Variants in SDK1 observed in about 807,000 individuals in gnomAD.
SDK1 encodes protein sidekick-1.
Under a neutral mutation model 245.5 loss-of-function variants are expected in SDK1, and 157 were observed. The ratio of observed to expected loss-of-function variants is 0.64; its 90% CI spans 0.56 to 0.73. The LOEUF is 0.73. SDK1 is among the 30% of genes least tolerant of loss of function. SDK1 has a pLI of 0.00. For missense variants in SDK1, 3,583 were observed against 3,002.3 expected (o/e 1.19, Z -4.52); for synonymous variants, 1,647 against 1,278.5 (o/e 1.29, Z -6.15).
intron 5 of SDK1, among the ~76,000 whole-genome samples, chr7:3,886,712 C>T (rs917731077): frequency 1.2e-4 from 19 of 152,258 alleles, no homozygotes; most frequent in African/African-American, 4.1e-4. Flanking sequence ...GCTACAAATT[C>T]GACACCAGCC....
At position 4,127,417 on chromosome 7, in the gene SDK1, C is replaced by G. The variant is rs1784461849; in HGVS notation, c.3860C>G (p.Ala1287Gly). The G allele has an allele frequency of 6.2e-7, 1 of 1,614,230 alleles. No individual in the cohort carries two copies. Among genetic ancestry groups the G allele is most frequent in the Non-Finnish European group, 8.5e-7 (1 of 1,180,024 alleles). Residue 1287 changes from alanine (A) to glycine (G), a missense_variant, in exon 26 of 45, where the codon GCT (alanine) becomes GGT (glycine). Physicochemically the swap from Ala to Gly is moderately conservative, Grantham distance 60. Coordinates refer to ENST00000404826, the MANE Select transcript of SDK1 (RefSeq NM_152744.4). ...GCCCCTGAGAACGTGTCAGCCGAGG[C>G]TGTCAGCTCGACCCAGATTTTACTG... The part of the protein sequence containing the change: ...SAAPENVSAE[A>G]VSSTQILLTW...
intron 1 of SDK1, among the ~76,000 whole-genome samples, chr7:3,612,360 G>A (rs1781620596): frequency 1.3e-5 from 2 of 152,118 alleles, no homozygotes; most frequent in African/African-American, 4.8e-5. Flanking sequence ...CCTCACCCCA[G>A]AAGTACATTT....
At chr7:3,639,861 T>C (rs1237745097) in intron 3 of SDK1, among the ~76,000 whole-genome samples, 1 of 151,828 alleles carries the variant, frequency 6.6e-6, no homozygotes, top group Admixed American at 6.6e-5. Context: ...TAAATAAATA[T>C]ATGTTTGAGA....
chr7:4,250,349 AT>A (rs367949654), intron 44 of SDK1, among the ~76,000 whole-genome samples: 4,201 of 146,030 alleles, frequency 0.029, 76 homozygotes, highest in South Asian at 0.1. Context: ...CAGAAGTGTA[AT>A]TTTTTTTTTT....
At chr7:4,085,317 G>C (rs1781359801) in intron 22 of SDK1, among the ~76,000 whole-genome samples, 1 of 152,136 alleles carries the variant, frequency 6.6e-6, no homozygotes, top group Non-Finnish European at 1.5e-5. Context: ...TCCTTAAAAT[G>C]TGTTATACCA....
At chr7:4,099,628 C>T (rs573335021) in intron 22 of SDK1, among the ~76,000 whole-genome samples, 10 of 134,788 alleles carry the variant, frequency 7.4e-5, no homozygotes, top group African/African-American at 2.8e-4. Flanking sequence ...TGCTTGCTGT[C>T]TCTGGGAACT....
chr7:3,632,241 C>T (rs569889428), intron 2 of SDK1, among the ~76,000 whole-genome samples: 3 of 152,282 alleles, frequency 2.0e-5, no homozygotes, highest in Admixed American at 2.0e-4. Context: ...ATGGATTGCA[C>T]ATTTTCTGCC....
intron 5 of SDK1, among the ~76,000 whole-genome samples, chr7:3,880,066 A>T (rs1000091578): frequency 6.6e-6 from 1 of 152,166 alleles, no homozygotes. Context: ...TGCCGCCTTA[A>T]TCCTGGATGC....
intron 1 of SDK1, among the ~76,000 whole-genome samples, chr7:3,332,328 C>A (rs892049575): frequency 2.0e-4 from 31 of 152,090 alleles, no homozygotes; most frequent in Middle Eastern, 3.2e-3. Flanking sequence ...GGGCTCCATC[C>A]TTTAATGTCA....
At chr7:3,443,560 G>A (rs1562489536) in intron 1 of SDK1, among the ~76,000 whole-genome samples, 1 of 152,192 alleles carries the variant, frequency 6.6e-6, no homozygotes, top group African/African-American at 2.4e-5. Context: ...ATGATGACTA[G>A]TTACAAAATC....
intron 13 of SDK1, among the ~76,000 whole-genome samples, chr7:3,980,777 A>C (rs564104269): frequency 6.6e-6 from 1 of 152,274 alleles, no homozygotes. Context: ...CCCTGTCTCT[A>C]CTAAAAATAC....
At chr7:4,125,340 A>AAT (rs1784322588) in intron 25 of SDK1, among the ~76,000 whole-genome samples, 1 of 124,040 alleles carries the variant, frequency 8.1e-6, no homozygotes, top group Admixed American at 7.8e-5. Flanking sequence ...TGGATGAATG[A>AAT]ATAGATGGAT....
intron 1 of SDK1, among the ~76,000 whole-genome samples, chr7:3,373,078 G>A (rs1213890920): frequency 6.6e-6 from 1 of 152,080 alleles, no homozygotes; most frequent in Non-Finnish European, 1.5e-5. Context: ...TTTCCTATAC[G>A]GATGTAGTGT....
chr7:3,727,524 T>G (rs777676535), intron 4 of SDK1, among the ~76,000 whole-genome samples: 2 of 152,122 alleles, frequency 1.3e-5, no homozygotes, highest in Non-Finnish European at 2.9e-5. Context: ...GGAGCCTCGC[T>G]CTGTCACTCA....
chr7:4,175,981 C>G (rs1357460795), intron 34 of SDK1, 147 bp downstream of exon 34: 12 of 665,808 alleles, frequency 1.8e-5, no homozygotes, highest in Non-Finnish European at 3.0e-5. Flanking sequence ...CTCCACATAC[C>G]AAACCACCAG....
chr7:4,092,504 A>C (rs1781871797), intron 22 of SDK1, among the ~76,000 whole-genome samples: 1 of 151,760 alleles, frequency 6.6e-6, no homozygotes. Flanking sequence ...CCTATACCTC[A>C]CCCCCTTTGA....
At chr7:3,921,113 A>G (rs1779570499) in intron 5 of SDK1, among the ~76,000 whole-genome samples, 1 of 152,222 alleles carries the variant, frequency 6.6e-6, no homozygotes, top group Admixed American at 6.5e-5. Context: ...TAGAAAATAC[A>G]GAGAAACAGA....
intron 1 of SDK1, among the ~76,000 whole-genome samples, chr7:3,466,439 G>T (rs576971725): frequency 6.8e-6 from 1 of 147,748 alleles, no homozygotes; most frequent in African/African-American, 2.5e-5. Context: ...ACATTACTCT[G>T]TCACCACATT....
chr7:4,181,461 C>T (rs1782599410), intron 35 of SDK1, among the ~76,000 whole-genome samples: 1 of 152,174 alleles, frequency 6.6e-6, no homozygotes, highest in African/African-American at 2.4e-5. Flanking sequence ...TGTGGGGAGG[C>T]AGTTGCAGAG....
Sources: gnomAD v4.1 joint callset for allele counts (sites outside exome capture counted in the v4.1 genomes callset) on GRCh38, gnomAD v4.1.1 for gene constraint, MANE v1.5 for transcripts, NCBI Gene and HGNC (gene_info 2026-07-23, HGNC 2026-07-21) for gene names.